SPATA31D1: variants seen among roughly 807,000 people sequenced by gnomAD.
SPATA31D1 encodes SPATA31 subfamily D member 1.
SPATA31D1 carries 6 observed loss-of-function variants against 13.2 expected under a neutral mutation model. That is an observed-to-expected ratio of 0.46 (90% CI 0.25 to 0.90). SPATA31D1 has a LOEUF of 0.90. Among genes scored for constraint, SPATA31D1 ranks in the 40% least tolerant of loss-of-function variants. The pLI, the probability that SPATA31D1 is intolerant of heterozygous loss-of-function variation, is 0.18. For synonymous variants in SPATA31D1, 903 were observed against 718.8 expected (o/e 1.26, Z -4.10); for missense variants, 2,445 against 1,884.7 (o/e 1.30, Z -5.50).
Position 81,991,205 on chromosome 9 carries a change from T to A in SPATA31D1, c.735T>A (p.Phe245Leu). 6.2e-7 allele frequency: 1 copy of A among 1,613,882 alleles called. No individual in the cohort carries two copies. Among genetic ancestry groups the A allele is most frequent in the Non-Finnish European group, 8.5e-7 (1 of 1,179,856 alleles). Residue 245 changes from phenylalanine (F) to leucine (L), a missense_variant, in exon 4 of 4, where the codon TTT becomes TTA. Phe to Leu is a conservative substitution (Grantham distance 22). Coordinates refer to ENST00000344803, the MANE Select transcript of SPATA31D1 (RefSeq NM_001001670.3). Reference protein sequence around the residue: ...IDHSPPQQLPFPLLPPHHIER... With the variant: ...IDHSPPQQLPLPLLPPHHIER... ...ATTCCCCACCCCAACAGCTTCCCTT[T>A]CCCCTTCTCCCACCACATCACATTG...
intron 1 of SPATA31D1, 46 bp from the exon 2 acceptor site, chr9:81,989,732 G>A (rs745830861): frequency 8.1e-6 from 13 of 1,605,850 alleles, no homozygotes; most frequent in African/African-American, 5.3e-5. Flanking sequence ...CATAGAGAGT[G>A]AGAGAAGTGA....
chr9:81,988,089 A>G (rs1044695918), upstream of SPATA31D1, among the ~76,000 whole-genome samples: 3 of 152,216 alleles, frequency 2.0e-5, no homozygotes, highest in African/African-American at 7.2e-5. Context: ...TTCTAATAAA[A>G]TGACCCCATG....
Position 81,991,433 on chromosome 9 carries a change from G to A in SPATA31D1, c.963G>A (p.Leu321=), listed in dbSNP as rs757616539. The A allele has an allele frequency of 2.5e-6, 4 of 1,614,000 alleles. No homozygotes were observed. The highest frequency in any genetic ancestry group is 2.2e-5 in the South Asian group (2 of 91,078). Residue 321 remains leucine, a synonymous_variant, in exon 4 of 4, where the codon TTG becomes TTA. Coordinates refer to ENST00000344803, the MANE Select transcript of SPATA31D1 (RefSeq NM_001001670.3). The part of the protein sequence containing the change: ...VTQSKSSLTI[L]KTFPEMLSLG... Reference sequence around the variant, plus strand: ...AGTCTAAATCAAGTCTCACCATCTTGAAGACTTTTCCGGAAATGTTATCTC... The same window carrying A: ...AGTCTAAATCAAGTCTCACCATCTTAAAGACTTTTCCGGAAATGTTATCTC...
rs764997009 is a variant in SPATA31D1, at chr9:81,993,786, G to T, written c.3316G>T (p.Val1106Leu). 1.2e-6 allele frequency: 2 copies of T among 1,614,028 alleles called. No homozygotes were observed. The highest frequency in any genetic ancestry group is 1.7e-5 in the Admixed American group (1 of 60,026). ...AGACGAAGTCAGTCAGAAACAGACT[G>T]TACTGGCCAGTAGATGCAGCGCAGA... ...IVDEVSQKQT[V>L]LASRCSAELP... is the part of the protein sequence containing the mutation. Residue 1106 changes from valine (V) to leucine (L), a missense_variant, in exon 4 of 4, where the codon GTA (valine) becomes TTA (leucine). Val to Leu is a conservative substitution (Grantham distance 32, BLOSUM62 1). Coordinates refer to ENST00000344803, the MANE Select transcript of SPATA31D1 (RefSeq NM_001001670.3).
upstream of SPATA31D1, chr9:81,988,661 TG>T: frequency 1.7e-6 from 2 of 1,169,298 alleles, no homozygotes; most frequent in Non-Finnish European, 2.4e-6. Context: ...GCTGGGCTGG[TG>T]GGGTTGGGGC....
chr9:81,989,912 A>C, intron 2 of SPATA31D1, 89 bp downstream of exon 2: 2 of 1,449,212 alleles, frequency 1.4e-6, no homozygotes, highest in Non-Finnish European at 1.9e-6. Flanking sequence ...TTAGAATGTC[A>C]GTTACTAGAT....
chr9:81,989,229 C>T (rs1315348518), intron 1 of SPATA31D1, among the ~76,000 whole-genome samples: 1 of 152,164 alleles, frequency 6.6e-6, no homozygotes, highest in Non-Finnish European at 1.5e-5. Context: ...GTGAAGCTAC[C>T]TATCTGGCTG....
In SPATA31D1 at chr9:81,994,746, AC is replaced by A. The variant is rs1167026677; in HGVS notation, c.4278del (p.Cys1427ValfsTer42). The A allele has an allele frequency of 2.5e-6, 4 of 1,613,812 alleles. No individual in the cohort carries two copies. The highest frequency in any genetic ancestry group is 3.4e-6 in the Non-Finnish European group (4 of 1,179,882). On this transcript the variant is annotated frameshift_variant, in exon 4 of 4. Transcript: ENST00000344803. LOFTEE classifies it low-confidence loss of function (END_TRUNC). ...GGGGCATAGGCATGGGATAGATATC[AC>A]CTGTCCCCAAGAGCCCCTTTCCTTC... ...KLGHRHGIDI[T>X]CPQEPLSFPV...
chr9:81,989,647 A>T, intron 1 of SPATA31D1, 131 bp from the exon 2 acceptor site: 1 of 1,027,342 alleles, frequency 9.7e-7, no homozygotes, highest in Admixed American at 2.7e-5. Flanking sequence ...TGATAACAGG[A>T]ACATATTTCT....
Position 81,994,479 on chromosome 9 carries a change from T to C in SPATA31D1, c.4009T>C (p.Ser1337Pro). The C allele has an allele frequency of 6.2e-7, 1 of 1,613,372 alleles. No homozygotes were observed. Among genetic ancestry groups the C allele is most frequent in the Non-Finnish European group, 8.5e-7 (1 of 1,179,628 alleles). The stretch of plus-strand genomic sequence containing the variant: ...AGGGGAGGTGCTTGGGAGCAAATCT[T>C]CCCCAACCTTGAAAACACAGCCTCC... ...TSGEVLGSKS[S>P]PTLKTQPPPE... Residue 1337 changes from serine to proline, a missense_variant, in exon 4 of 4, where the codon TCC becomes CCC. Ser to Pro is a moderately conservative substitution (Grantham distance 74). Coordinates refer to ENST00000344803, the MANE Select transcript of SPATA31D1 (RefSeq NM_001001670.3).
intron 2 of SPATA31D1, chr9:81,990,210 T>G (rs1051132207): frequency 2.6e-5 from 14 of 540,558 alleles, no homozygotes; most frequent in Non-Finnish European, 4.2e-5. Flanking sequence ...GTGGTGGTTT[T>G]GAGCATCACA....
Position 81,994,947 on chromosome 9 carries a change from A to T in SPATA31D1, c.4477A>T (p.Ile1493Leu). The change falls in exon 4 of 4, where the codon ATA (isoleucine) becomes TTA (leucine). Residue 1493 changes from isoleucine (I) to leucine (L), a missense_variant. Ile to Leu is a conservative substitution (Grantham distance 5). Coordinates refer to ENST00000344803, the MANE Select transcript of SPATA31D1 (RefSeq NM_001001670.3). Reference sequence around the variant, plus strand: ...TTATCCTACAAGGATTAGACAGATCATAGACAAGGACAGACAGCCCCAGAA... The same window carrying T: ...TTATCCTACAAGGATTAGACAGATCTTAGACAAGGACAGACAGCCCCAGAA... Reference protein sequence around the residue: ...QNYPTRIRQIIDKDRQPQKVE... With the variant: ...QNYPTRIRQILDKDRQPQKVE... 6.2e-7 allele frequency: 1 copy of T among 1,613,996 alleles called. No individual in the cohort carries two copies. Among genetic ancestry groups the T allele is most frequent in the East Asian group, 2.2e-5 (1 of 44,868 alleles).
rs765068419 is a variant in SPATA31D1 at position 81,991,304 on chromosome 9, A to C, written c.834A>C (p.Leu278=). 6.2e-7 allele frequency: 1 copy of C among 1,614,018 alleles called. No homozygotes were observed. Among genetic ancestry groups the C allele is most frequent in the Non-Finnish European group, 8.5e-7 (1 of 1,179,888 alleles). The change falls in exon 4 of 4, where the codon CTA becomes CTC. Residue 278 remains leucine, a synonymous_variant. Transcript: ENST00000344803. The stretch of plus-strand genomic sequence containing the variant: ...CCATCTTTTCATTTGGCTCCACCCT[A>C]TGCCAAGATATTTCGCAGGCCATGA... ...LNTIFSFGST[L]CQDISQAMNP...
In SPATA31D1 at chr9:81,990,499, TC is replaced by T. The variant is rs1214876929; in HGVS notation, c.302+16del. 1.3e-6 allele frequency: 2 copies of T among 1,593,112 alleles called. No homozygotes were observed. Among genetic ancestry groups the T allele is most frequent in the African/African-American group, 2.7e-5 (2 of 74,584 alleles). Reference sequence around the variant, plus strand: ...CTCTTCTGAAAAGGTGATTAATCTTTCCCTTTGTGTCCTGTTCCCACCCCAC... The same window carrying T: ...CTCTTCTGAAAAGGTGATTAATCTTTCCTTTGTGTCCTGTTCCCACCCCAC... On this transcript the variant is annotated intron_variant, in intron 3 of 3. Coordinates refer to ENST00000344803, the MANE Select transcript of SPATA31D1 (RefSeq NM_001001670.3).
intron 3 of SPATA31D1, 113 bp downstream of exon 3, chr9:81,990,599 C>CCTAT: frequency 7.5e-7 from 1 of 1,342,070 alleles, no homozygotes; most frequent in East Asian, 2.5e-5. Flanking sequence ...AGTGGGTAGC[C>CCTAT]ATAGGAATGG....
In SPATA31D1 at chr9:81,994,218, G is replaced by C. The variant is rs377430439; in HGVS notation, c.3748G>C (p.Gly1250Arg). The C allele has an allele frequency of 8.1e-6, 13 of 1,613,882 alleles. No individual in the cohort carries two copies. The African/African-American group carries it at 1.5e-4, about 18-fold the overall frequency. Residue 1250 changes from glycine (G) to arginine (R), a missense_variant, in exon 4 of 4, where the codon GGA (glycine) becomes CGA (arginine). Coordinates refer to ENST00000344803, the MANE Select transcript of SPATA31D1 (RefSeq NM_001001670.3). ...NSQGISSGDM[G>R]TSQVVHVHLE... ...CCAGGGCATCTCGAGTGGGGACATG[G>C]GAACTTCCCAGGTGGTGCATGTCCA...
Position 81,991,368 on chromosome 9 carries a change from A to G in SPATA31D1, c.898A>G (p.Ile300Val), listed in dbSNP as rs779424406. 9 of 1,613,938 alleles carry G rather than the reference A, an allele frequency of 5.6e-6. No homozygotes were observed. Among genetic ancestry groups the G allele is most frequent in the Admixed American group, 1.7e-5 (1 of 60,012 alleles). ...TTGTGCTCGTCATCACGGACCACCA[A>G]TCCCATCTGCTTTACCACCGGAAGA... ...DSCARHHGPP[I>V]PSALPPEDCT... Residue 300 changes from isoleucine to valine, a missense_variant, in exon 4 of 4, where the codon ATC (isoleucine) becomes GTC (valine). Ile to Val is a conservative substitution (Grantham distance 29). Coordinates refer to ENST00000344803, the MANE Select transcript of SPATA31D1 (RefSeq NM_001001670.3).
At position 81,992,656 on chromosome 9, in the gene SPATA31D1, A is replaced by G. The variant is rs763151200; in HGVS notation, c.2186A>G (p.His729Arg). The change falls in exon 4 of 4, where the codon CAT becomes CGT. Residue 729 changes from histidine (H) to arginine (R), a missense_variant. Coordinates refer to ENST00000344803, the MANE Select transcript of SPATA31D1 (RefSeq NM_001001670.3). ...ISELSVSERI[H>R]GPLNISLVEG... ...GAGCTATCTGTGTCAGAGAGAATTC[A>G]TGGACCGTTAAATATCTCTTTGGTT... The G allele has an allele frequency of 5.6e-6, 9 of 1,613,742 alleles. No homozygotes were observed. The Admixed American group carries it at 8.3e-5, about 15-fold the overall frequency.
rs779897794 is a variant in SPATA31D1 at position 81,990,401 on chromosome 9, A to G, written c.233-16A>G. 1.9e-6 allele frequency: 3 copies of G among 1,590,744 alleles called. No homozygotes were observed. Among genetic ancestry groups the G allele is most frequent in the South Asian group, 2.3e-5 (2 of 87,420 alleles). On this transcript the variant is annotated splice_polypyrimidine_tract_variant and intron_variant, in intron 2 of 3. Coordinates refer to ENST00000344803, the MANE Select transcript of SPATA31D1 (RefSeq NM_001001670.3). ...CCGTGTGCCTCTATCTTCATTGCATATAACATACTATTCAGGTTTCCCAGA... is the reference window on the plus strand; with the variant it reads ...CCGTGTGCCTCTATCTTCATTGCATGTAACATACTATTCAGGTTTCCCAGA...
Sources: allele counts gnomAD v4.1 joint callset (sites outside exome capture counted in the v4.1 genomes callset), GRCh38; gene constraint gnomAD v4.1.1; transcripts MANE v1.5; gene names NCBI Gene and HGNC (gene_info 2026-07-23, HGNC 2026-07-21).